The following RELN variants were observed in gnomAD, a reference collection of about 807,000 sequenced individuals.
The protein encoded by RELN is reelin.
In RELN, 108 loss-of-function variants were observed where a neutral mutation model predicts 427.6. That is an observed-to-expected ratio of 0.25 (90% CI 0.22 to 0.30). RELN has a LOEUF of 0.30. Among genes scored for constraint, RELN ranks in the 10% least tolerant of loss-of-function variants. RELN has a pLI of 1.00. For synonymous variants in RELN, 1,524 were observed against 1,513.4 expected, an observed-to-expected ratio of 1.01 and a Z score of -0.16; for missense variants, 3,715 against 4,302.8, an observed-to-expected ratio of 0.86 and a Z score of 3.82.
At chr7:103,684,737 T>C (rs1833728242) in intron 10 of RELN, among the ~76,000 whole-genome samples, 1 of 152,172 alleles carries the variant, frequency 6.6e-6, no homozygotes, top group Admixed American at 6.6e-5. Context: ...GAGGTGTTGT[T>C]AGTGGCACAA....
intron 10 of RELN, among the ~76,000 whole-genome samples, chr7:103,688,268 G>T (rs972757338): frequency 7.2e-5 from 11 of 152,052 alleles, no homozygotes; most frequent in Non-Finnish European, 1.5e-4. Context: ...ATCCTCATTA[G>T]AAAGCCACCA....
intron 4 of RELN, among the ~76,000 whole-genome samples, chr7:103,755,739 T>C (rs11976933): frequency 0.69 from 81,834 of 118,908 alleles, 23,141 homozygotes; most frequent in Non-Finnish European, 0.71. Flanking sequence ...TGGCGTGAAC[T>C]TGGGAAGCGG....
At chr7:103,898,640 G>A (rs1259874247) in intron 2 of RELN, among the ~76,000 whole-genome samples, 2 of 151,422 alleles carry the variant, frequency 1.3e-5, no homozygotes, top group African/African-American at 4.9e-5. Flanking sequence ...TTAAATAAGG[G>A]TGTCTCATAC....
intron 11 of RELN, among the ~76,000 whole-genome samples, chr7:103,666,375 T>C (rs1833268498): frequency 6.6e-6 from 1 of 152,128 alleles, no homozygotes; most frequent in African/African-American, 2.4e-5. Context: ...CCCCACTTCT[T>C]TGATTCTTTT....
At position 103,650,296 on chromosome 7, in the gene RELN, T is replaced by G. The variant is rs1381440155; in HGVS notation, c.1980A>C (p.Gly660=). The G allele has an allele frequency of 1.9e-6, 3 of 1,608,668 alleles. No individual in the cohort carries two copies. Among genetic ancestry groups the G allele is most frequent in the African/African-American group, 1.3e-5 (1 of 74,874 alleles). Residue 660 remains glycine (G), a synonymous_variant, in exon 16 of 65, where the codon GGA becomes GGC. Transcript: ENST00000428762. ...AACCATTATCAATTGCCCACATGTT[T>G]CCAAGGATTGGTCCTGTTTGTCTCC... is the stretch of plus-strand genomic sequence containing the variant. ...IRWRQTGPIL[G]NMWAIDNVYI...
At chr7:103,528,902 C>T (rs1010522293) in intron 46 of RELN, among the ~76,000 whole-genome samples, 1 of 151,408 alleles carries the variant, frequency 6.6e-6, no homozygotes, top group African/African-American at 2.4e-5. Flanking sequence ...CTTTGGGAGG[C>T]CGAGGCGGGT....
At position 103,557,048 on chromosome 7, in the gene RELN, A is replaced by T; in HGVS notation, c.5726T>A (p.Ile1909Asn). The change falls in exon 38 of 65, where the codon ATC (isoleucine) becomes AAC (asparagine). Residue 1909 changes from isoleucine (I) to asparagine (N), a missense_variant. By Grantham distance (149) the Ile-to-Asn change is moderately radical. This residue lies in a region of RELN where 2,208 missense variants were observed against 2,361.7 expected (regional missense o/e 0.93). Coordinates refer to ENST00000428762, the MANE Select transcript of RELN (RefSeq NM_005045.4). Reference sequence around the variant, plus strand: ...GGCAGTGTATGGCAAGGGAACATTGATGAAAAGTATATTCGTTGTTTGAGG... The same window carrying T: ...GGCAGTGTATGGCAAGGGAACATTGTTGAAAAGTATATTCGTTGTTTGAGG... Reference protein sequence around the residue: ...YFPQTTNILFINVPLPYTAQT... With the variant: ...YFPQTTNILFNNVPLPYTAQT... 6.2e-7 allele frequency: 1 copy of T among 1,613,856 alleles called. No homozygotes were observed. The highest frequency in any genetic ancestry group is 8.5e-7 in the Non-Finnish European group (1 of 1,179,704).
chr7:103,685,678 G>C (rs1833751249), intron 10 of RELN, among the ~76,000 whole-genome samples: 1 of 151,984 alleles, frequency 6.6e-6, no homozygotes, highest in African/African-American at 2.4e-5. Context: ...TACACTTTAT[G>C]CTTCTAAGTA....
chr7:103,723,330 T>C (rs553900361), intron 7 of RELN, 139 bp from the exon 8 acceptor site: 6 of 666,312 alleles, frequency 9.0e-6, no homozygotes, highest in Non-Finnish European at 1.6e-5. Context: ...ATTTATCCAG[T>C]TGTTAGTTCA....
Position 103,825,683 on chromosome 7 carries a change from A to C in RELN, c.473+7854T>G, listed in dbSNP as rs550462122. On this transcript the variant is annotated intron_variant, in intron 3 of 64. Transcript: ENST00000428762. ...ACAACAGAACTTTCTGTAATAATGG[A>C]AACGTTCTACATTTGTGCTGTTCAA... Among the ~76,000 whole-genome samples the C allele has an allele frequency of 2.0e-4, 30 of 152,268 alleles. 1 individual carries two copies. The highest frequency in any genetic ancestry group is 7.0e-4 in the African/African-American group (29 of 41,576).
At chr7:103,787,975 T>C (rs911867443) in intron 3 of RELN, among the ~76,000 whole-genome samples, 1 of 151,842 alleles carries the variant, frequency 6.6e-6, no homozygotes, top group South Asian at 2.1e-4. Context: ...ACATCAAAAA[T>C]CTTATCCACC....
chr7:103,986,930 CTGTGTGTGTGTGTGTGTGTG>C (rs68023932), intron 1 of RELN, among the ~76,000 whole-genome samples: 2 of 148,956 alleles, frequency 1.3e-5, no homozygotes, highest in East Asian at 3.9e-4. Flanking sequence ...CTAACAGAAG[CTGTGTGTGTGTGTGTGTGTG>C]TGTGTGTGTG....
intron 2 of RELN, among the ~76,000 whole-genome samples, chr7:103,850,743 A>G (rs973366880): frequency 6.6e-6 from 1 of 152,210 alleles, no homozygotes; most frequent in Non-Finnish European, 1.5e-5. Flanking sequence ...AATGCTCAAC[A>G]TCACTAATGA....
intron 2 of RELN, among the ~76,000 whole-genome samples, chr7:103,894,371 T>C (rs1794914795): frequency 6.6e-6 from 1 of 152,176 alleles, no homozygotes; most frequent in African/African-American, 2.4e-5. Context: ...GCCTAGTGAC[T>C]AAAAGACTCC....
Position 103,633,523 on chromosome 7 carries a change from C to T in RELN, c.2465+1902G>A, listed in dbSNP as rs184522808. Among the ~76,000 whole-genome samples, 37 of 151,220 alleles carry T rather than the reference C, an allele frequency of 2.4e-4. 1 individual carries two copies. Among genetic ancestry groups the T allele is most frequent in the Middle Eastern group, 3.4e-3 (1 of 290 alleles). The stretch of plus-strand genomic sequence containing the variant: ...TAAGGCGTTTTTGCTACCATTACCA[C>T]GTTCTCCTTTTAAAAAAACTCCACT... On this transcript the variant is annotated intron_variant, in intron 19 of 64. Coordinates refer to ENST00000428762, the MANE Select transcript of RELN (RefSeq NM_005045.4).
chr7:103,615,447 G>A (rs1832058404), intron 20 of RELN, among the ~76,000 whole-genome samples: 1 of 152,134 alleles, frequency 6.6e-6, no homozygotes, highest in Non-Finnish European at 1.5e-5. Flanking sequence ...CACAGGGAGG[G>A]ATCATACCTT....
chr7:103,513,893 C>A (rs1445667414), intron 50 of RELN: 1 of 149,366 alleles, frequency 6.7e-6, no homozygotes, highest in African/African-American at 2.5e-5. Context: ...CAATGGTTAT[C>A]CCCTGAGTGA....
chr7:103,633,505 T>C (rs1462669472), intron 19 of RELN, among the ~76,000 whole-genome samples: 2 of 151,270 alleles, frequency 1.3e-5, no homozygotes, highest in African/African-American at 4.9e-5. Flanking sequence ...AATTAAGGCG[T>C]TTTTGCTACC....
chr7:103,985,768 G>A (rs1191870552), intron 1 of RELN, among the ~76,000 whole-genome samples: 1 of 152,174 alleles, frequency 6.6e-6, no homozygotes, highest in Non-Finnish European at 1.5e-5. Context: ...TGATGGCTGG[G>A]GGTGAGGAAA....
Sources: allele counts gnomAD v4.1 joint callset (sites outside exome capture counted in the v4.1 genomes callset), GRCh38; gene constraint gnomAD v4.1.1; regional missense constraint gnomAD v4.1.1; transcripts MANE v1.5; gene names NCBI Gene and HGNC (gene_info 2026-07-23, HGNC 2026-07-21).